The following ZCCHC9 variants were observed in gnomAD, a reference collection of about 807,000 sequenced individuals.
ZCCHC9 encodes zinc finger CCHC domain-containing protein 9.
Under a neutral mutation model 30.8 loss-of-function variants are expected in ZCCHC9, and 18 were observed. The observed-to-expected ratio is 0.58, with a 90% confidence interval of 0.40 to 0.87. The LOEUF (loss-of-function observed/expected upper bound fraction) is 0.87, where lower values mean the gene tolerates loss of function less well. Ranked by LOEUF, ZCCHC9 falls within the 40% of genes least tolerant of loss-of-function variation. ZCCHC9 has a pLI of 0.00. For synonymous variants in ZCCHC9, 94 were observed against 106.7 expected (o/e 0.88, Z 0.73); for missense variants, 279 against 331.2 (o/e 0.84, Z 1.22).
Position 81,312,543 on chromosome 5 carries a change from G to A in ZCCHC9, c.698-1G>A, listed in dbSNP as rs1758322101. 3 of 1,610,140 alleles carry A rather than the reference G, an allele frequency of 1.9e-6. No homozygotes were observed. Among genetic ancestry groups the A allele is most frequent in the South Asian group, 2.2e-5 (2 of 90,724 alleles). On this transcript the variant is annotated splice_acceptor_variant, in intron 5 of 5. Transcript: ENST00000407610. LOFTEE classifies it high-confidence loss of function. ...ATTCTGATTTTTCTATTCCTTTACA[G>A]AGCGAATGGTCACAGTTGGTCGCTG...
intron 2 of ZCCHC9, among the ~76,000 whole-genome samples, chr5:81,307,994 CAAAAAA>C (rs11322486): frequency 2.6e-4 from 8 of 30,284 alleles, no homozygotes; most frequent in South Asian, 1.9e-3. Flanking sequence ...GACTCCGTCT[CAAAAAA>C]AAAAAAAAAA....
rs749690424 is a variant in ZCCHC9, at chr5:81,308,551, G to A, written c.385-10G>A. The A allele has an allele frequency of 6.2e-6, 10 of 1,603,476 alleles. No individual in the cohort carries two copies. The Admixed American group carries it at 1.1e-4, about 17-fold the overall frequency. Reference sequence around the variant, plus strand: ...TTTGCAGCGTGCCAACCTACGTTTTGTTTTCCTAGGTGTGTTTCCATTGTA... The same window carrying A: ...TTTGCAGCGTGCCAACCTACGTTTTATTTTCCTAGGTGTGTTTCCATTGTA... On this transcript the variant is annotated splice_polypyrimidine_tract_variant and intron_variant, in intron 2 of 5. Transcript: ENST00000407610.
chr5:81,312,486 G>T, intron 5 of ZCCHC9, 58 bp from the exon 6 acceptor site: 1 of 1,333,510 alleles, frequency 7.5e-7, no homozygotes, highest in South Asian at 1.2e-5. Flanking sequence ...ATAACAATCT[G>T]AGTGGATGCA....
At chr5:81,308,251 G>A (rs1758147806) in intron 2 of ZCCHC9, among the ~76,000 whole-genome samples, 1 of 151,962 alleles carries the variant, frequency 6.6e-6, no homozygotes. Context: ...AGACATTCCA[G>A]TTAATAAAAT....
In ZCCHC9 at chr5:81,305,125, CAAAG is replaced by C. The variant is rs1414723765; in HGVS notation, c.372_375del (p.Lys125MetfsTer42). On this transcript the variant is annotated frameshift_variant, in exon 2 of 6. Transcript: ENST00000407610. LOFTEE classifies it high-confidence loss of function. ...GGAAGAAGATTAAAAAGACAAGCGG[CAAAG>C]AAAAATGCAATGGTGAGAGCATCAC... 1 of 1,591,918 alleles carries C rather than the reference CAAAG, an allele frequency of 6.3e-7. No individual in the cohort carries two copies. Among genetic ancestry groups the C allele is most frequent in the South Asian group, 1.2e-5 (1 of 86,690 alleles).
At position 81,309,053 on chromosome 5, in the gene ZCCHC9, C is replaced by A. The variant is rs561868279; in HGVS notation, c.628+15C>A. On this transcript the variant is annotated intron_variant, in intron 4 of 5. Coordinates refer to ENST00000407610, the MANE Select transcript of ZCCHC9 (RefSeq NM_001131035.2). ...CTATGCTGATGGTAAGTACTGTTAC[C>A]CTCATATAGCAGAAATGGTGAGTCA... 4.5e-6 allele frequency: 7 copies of A among 1,568,708 alleles called. No homozygotes were observed. The South Asian group carries it at 8.2e-5, about 18-fold the overall frequency.
At chr5:81,304,474 G>A (rs1445900379) in intron 1 of ZCCHC9, 2 of 256,420 alleles carry the variant, frequency 7.8e-6, no homozygotes, top group Admixed American at 4.9e-5. Flanking sequence ...GGTTTCTTAA[G>A]ATAGTTTTTC....
intron 1 of ZCCHC9, 21 bp downstream of exon 1, chr5:81,301,719 A>G (rs975851883): frequency 6.6e-6 from 1 of 152,532 alleles, no homozygotes; most frequent in Non-Finnish European, 1.5e-5. Flanking sequence ...CAGCCACCAA[A>G]GCTGCAGGGT....
chr5:81,305,595 C>CAA (rs33971441), intron 2 of ZCCHC9, among the ~76,000 whole-genome samples: 13,152 of 132,748 alleles, frequency 0.099, 736 homozygotes, highest in Middle Eastern at 0.19. Context: ...CCATGTCTAC[C>CAA]AAAAAAAAAA....
intron 2 of ZCCHC9, among the ~76,000 whole-genome samples, chr5:81,305,362 A>G (rs1758058956): frequency 1.3e-5 from 2 of 152,224 alleles, no homozygotes; most frequent in Non-Finnish European, 2.9e-5. Context: ...ATATATTCCC[A>G]TATTATGGAT....
At chr5:81,312,446 C>T in intron 5 of ZCCHC9, 98 bp from the exon 6 acceptor site, 1 of 872,752 alleles carries the variant, frequency 1.1e-6, no homozygotes, top group South Asian at 1.6e-5. Flanking sequence ...TGTGATTATT[C>T]ATATCAAAAT....
At position 81,309,795 on chromosome 5, in the gene ZCCHC9, T is replaced by C. The variant is rs72771166; in HGVS notation, c.628+757T>C. Among the ~76,000 whole-genome samples, 828 of 152,314 alleles carry C rather than the reference T, an allele frequency of 5.4e-3. 2 individuals are homozygous for C. The highest frequency in any genetic ancestry group is 0.024 in the Middle Eastern group (7 of 294). On this transcript the variant is annotated intron_variant, in intron 4 of 5. Transcript: ENST00000407610. ...CTATAGAGTGGAGATGATAAAACTA[T>C]ATTTTATTGATTCTAAGATGCACAG...
At position 81,311,216 on chromosome 5, in the gene ZCCHC9, G is replaced by A. The variant is rs550145230; in HGVS notation, c.634G>A (p.Gly212Ser). The A allele has an allele frequency of 1.3e-5, 21 of 1,614,012 alleles. No homozygotes were observed. The highest frequency in any genetic ancestry group is 1.2e-4 in the African/African-American group (9 of 75,024). Residue 212 changes from glycine (G) to serine (S), a missense_variant, in exon 5 of 6, where the codon GGT becomes AGT. Gly to Ser is a moderately conservative substitution (Grantham distance 56, BLOSUM62 0). Coordinates refer to ENST00000407610, the MANE Select transcript of ZCCHC9 (RefSeq NM_001131035.2). ...NPKGLYADGG[G>S]CKLCGSVEHL... ...TGGCTTTGCTCTTTCAATAGGTGGCGGTTGCAAACTTTGTGGCTCTGTGGA... is the reference window on the plus strand; with the variant it reads ...TGGCTTTGCTCTTTCAATAGGTGGCAGTTGCAAACTTTGTGGCTCTGTGGA...
chr5:81,303,407 C>T (rs1199289152), intron 1 of ZCCHC9: 1 of 152,170 alleles, frequency 6.6e-6, no homozygotes, highest in East Asian at 1.9e-4. Context: ...AAAATATTTT[C>T]TTTATTCCCT....
chr5:81,308,590 T>C lies in ZCCHC9; in HGVS notation c.414T>C (p.His138=). The C allele has an allele frequency of 6.2e-7, 1 of 1,613,158 alleles. No individual in the cohort carries two copies. Among genetic ancestry groups the C allele is most frequent in the South Asian group, 1.1e-5 (1 of 90,994 alleles). Residue 138 remains histidine (H), a synonymous_variant, in exon 3 of 6, where the codon CAT becomes CAC. Coordinates refer to ENST00000407610, the MANE Select transcript of ZCCHC9 (RefSeq NM_001131035.2). ...GTTTCCATTGTAGAAAACCTGGTCA[T>C]GGAATTGCAGATTGCCCCGCCGCCC... ...MVCFHCRKPG[H]GIADCPAALE... is the part of the protein sequence containing the mutation.
chr5:81,305,528 C>T (rs1215335269), intron 2 of ZCCHC9, among the ~76,000 whole-genome samples: 3 of 148,698 alleles, frequency 2.0e-5, no homozygotes, highest in South Asian at 2.1e-4. Flanking sequence ...GAAGCTGAGG[C>T]GGGAGGATCA....
At chr5:81,310,157 TAAAA>T (rs71000814) in intron 4 of ZCCHC9, among the ~76,000 whole-genome samples, 49 of 104,742 alleles carry the variant, frequency 4.7e-4, no homozygotes, top group African/African-American at 7.7e-4. Context: ...TGACTAGCTG[TAAAA>T]AAAAAAAAAA....
chr5:81,305,595 C>A (rs1281800815), intron 2 of ZCCHC9, among the ~76,000 whole-genome samples: 101 of 132,852 alleles, frequency 7.6e-4, no homozygotes, highest in South Asian at 1.2e-3. Flanking sequence ...CCATGTCTAC[C>A]AAAAAAAAAA....
At chr5:81,302,139 C>A (rs1471818730) in intron 1 of ZCCHC9, 1 of 152,466 alleles carries the variant, frequency 6.6e-6, no homozygotes, top group Non-Finnish European at 1.5e-5. Context: ...TTACTAGGAG[C>A]TGAGACTTGG....
Sources: allele counts gnomAD v4.1 joint callset (sites outside exome capture counted in the v4.1 genomes callset), GRCh38; gene constraint gnomAD v4.1.1; transcripts MANE v1.5; gene names NCBI Gene and HGNC (gene_info 2026-07-23, HGNC 2026-07-21).